NDST4: variants seen among roughly 807,000 people sequenced by gnomAD.
The protein encoded by NDST4 is N-deacetylase and N-sulfotransferase 4, also known as N-heparan sulfate sulfotransferase 4.
Under a neutral mutation model 100.8 loss-of-function variants are expected in NDST4, and 63 were observed. The observed-to-expected ratio is 0.62, with a 90% CI of 0.51 to 0.77. The LOEUF (loss-of-function observed/expected upper bound fraction) is 0.77, where lower values mean the gene tolerates loss of function less well. Among genes scored for constraint, NDST4 ranks in the 30% least tolerant of loss-of-function variants. The pLI, the probability that NDST4 is intolerant of heterozygous loss-of-function variation, is 0.00. For missense variants in NDST4, 943 were observed against 1,018.4 expected (o/e 0.93, Z 1.01); for synonymous variants, 377 against 361.8 (o/e 1.04, Z -0.48).
intron 7 of NDST4, among the ~76,000 whole-genome samples, chr4:114,862,414 T>C (rs765512247): frequency 1.3e-5 from 2 of 152,174 alleles, no homozygotes; most frequent in South Asian, 2.1e-4. Context: ...TCTCAACCTA[T>C]ACTTATTGAA....
At chr4:115,081,099 T>TA (rs34184149) in intron 1 of NDST4, among the ~76,000 whole-genome samples, 2,012 of 148,904 alleles carry the variant, frequency 0.014, 40 homozygotes, top group African/African-American at 0.044. Flanking sequence ...AAAAATAAAT[T>TA]AAAAAAAAAA....
intron 6 of NDST4, among the ~76,000 whole-genome samples, chr4:114,921,647 C>T (rs1215065659): frequency 6.6e-6 from 1 of 152,018 alleles, no homozygotes; most frequent in African/African-American, 2.4e-5. Context: ...TTATTTCTCC[C>T]GTTTTATAGA....
At chr4:114,991,669 T>C (rs774007603) in intron 2 of NDST4, among the ~76,000 whole-genome samples, 12 of 151,968 alleles carry the variant, frequency 7.9e-5, no homozygotes, top group Non-Finnish European at 1.6e-4. Context: ...AAACAGATAA[T>C]ATGAACAACT....
intron 2 of NDST4, among the ~76,000 whole-genome samples, chr4:115,033,159 T>A (rs867668432): frequency 5.2e-3 from 618 of 119,106 alleles, no homozygotes; most frequent in Non-Finnish European, 8.1e-3. Context: ...ATATATATAT[T>A]TTTTTTTTTT....
rs759884571 is a variant in NDST4 at position 114,839,504 on chromosome 4, G to T, written c.2160C>A (p.Phe720Leu). 4.3e-6 allele frequency: 7 copies of T among 1,613,724 alleles called. No homozygotes were observed. The highest frequency in any genetic ancestry group is 1.1e-5 in the South Asian group (1 of 91,062). ...HEDPAALRFNFYEVISTGHWA... is the reference protein window; with the variant it reads ...HEDPAALRFNLYEVISTGHWA... Reference sequence around the variant, plus strand: ...AATGTCCTGTTGAAATAACTTCATAGAAATTGAACCTCAGAGCAGCTGGAT... The same window carrying T: ...AATGTCCTGTTGAAATAACTTCATATAAATTGAACCTCAGAGCAGCTGGAT... The change falls in exon 11 of 14, where the codon TTC becomes TTA. Residue 720 changes from phenylalanine (F) to leucine (L), a missense_variant. By Grantham distance (22) the Phe-to-Leu change is conservative (BLOSUM62 0). Transcript: ENST00000264363.
At chr4:114,997,405 A>G (rs1278680812) in intron 2 of NDST4, among the ~76,000 whole-genome samples, 1 of 152,112 alleles carries the variant, frequency 6.6e-6, no homozygotes, top group African/African-American at 2.4e-5. Flanking sequence ...TATCTGTCAG[A>G]TAGGTGATAA....
intron 8 of NDST4, among the ~76,000 whole-genome samples, chr4:114,850,714 ATT>A (rs927901510): frequency 1.4e-4 from 22 of 152,138 alleles, no homozygotes; most frequent in African/African-American, 5.3e-4. Flanking sequence ...AGACATTAAT[ATT>A]GACAGTGTGA....
intron 1 of NDST4, among the ~76,000 whole-genome samples, chr4:115,083,326 G>T (rs505154): frequency 0.23 from 35,269 of 151,746 alleles, 5,576 homozygotes; most frequent in East Asian, 0.46. Flanking sequence ...AGGTGCGGTG[G>T]TGTGAACCTG....
At chr4:115,028,504 G>A (rs1341793483) in intron 2 of NDST4, among the ~76,000 whole-genome samples, 1 of 151,604 alleles carries the variant, frequency 6.6e-6, no homozygotes, top group African/African-American at 2.4e-5. Flanking sequence ...AAAATGGGCT[G>A]AGCTGGCCCT....
intron 12 of NDST4, among the ~76,000 whole-genome samples, chr4:114,830,334 G>A (rs73848467): frequency 6.6e-6 from 1 of 152,096 alleles, no homozygotes; most frequent in Non-Finnish European, 1.5e-5. Context: ...TGTAATGTAG[G>A]TATACTTCTG....
chr4:114,876,114 C>T (rs1200466526), intron 6 of NDST4, among the ~76,000 whole-genome samples: 1 of 152,164 alleles, frequency 6.6e-6, no homozygotes. Context: ...GATGAAACAA[C>T]GTCTTTGCAG....
intron 6 of NDST4, among the ~76,000 whole-genome samples, chr4:114,921,731 C>T (rs1725290747): frequency 6.6e-6 from 1 of 152,030 alleles, no homozygotes; most frequent in African/African-American, 2.4e-5. Context: ...TAAAATAAGA[C>T]AAGATTTTCT....
intron 7 of NDST4, among the ~76,000 whole-genome samples, chr4:114,854,287 GT>G (rs1723742368): frequency 6.6e-6 from 1 of 152,156 alleles, no homozygotes; most frequent in African/African-American, 2.4e-5. Context: ...TTCATCCATG[GT>G]GTTGAAAATG....
chr4:114,963,856 C>A (rs1279014971), intron 4 of NDST4, among the ~76,000 whole-genome samples: 1 of 152,144 alleles, frequency 6.6e-6, no homozygotes, highest in Non-Finnish European at 1.5e-5. Context: ...TTATATCACA[C>A]AGGATCCTCT....
At chr4:114,941,062 C>T (rs986776297) in intron 4 of NDST4, among the ~76,000 whole-genome samples, 2 of 152,220 alleles carry the variant, frequency 1.3e-5, no homozygotes, top group Admixed American at 6.5e-5. Context: ...GGTGTGGCCC[C>T]TGTTGGGAAC....
At chr4:114,846,543 G>A (rs1309465100) in intron 9 of NDST4, among the ~76,000 whole-genome samples, 1 of 152,094 alleles carries the variant, frequency 6.6e-6, no homozygotes, top group Non-Finnish European at 1.5e-5. Context: ...ACACTTTATA[G>A]TCTATCTAGA....
At chr4:115,053,161 C>A (rs1483945706) in intron 2 of NDST4, among the ~76,000 whole-genome samples, 1 of 152,086 alleles carries the variant, frequency 6.6e-6, no homozygotes, top group Non-Finnish European at 1.5e-5. Context: ...AAACATGTTT[C>A]TCTCAGACCC....
chr4:114,877,506 A>G (rs1253368099), intron 6 of NDST4, among the ~76,000 whole-genome samples: 2 of 152,192 alleles, frequency 1.3e-5, no homozygotes, highest in African/African-American at 4.8e-5. Context: ...ATAGATGCCA[A>G]GTTTTTCACA....
intron 6 of NDST4, among the ~76,000 whole-genome samples, chr4:114,929,105 C>CT (rs1725452816): frequency 6.6e-4 from 81 of 121,934 alleles, no homozygotes; most frequent in African/African-American, 2.5e-3. Flanking sequence ...TCCATCCATC[C>CT]ATCCATCCAT....
Sources: allele counts gnomAD v4.1 joint callset (sites outside exome capture counted in the v4.1 genomes callset), GRCh38; gene constraint gnomAD v4.1.1; transcripts MANE v1.5; gene names NCBI Gene and HGNC (gene_info 2026-07-23, HGNC 2026-07-21).